Variants in ASTN2 observed in about 807,000 individuals in gnomAD.
The protein encoded by ASTN2 is astrotactin-2.
In ASTN2, 54 loss-of-function variants were observed where a neutral mutation model predicts 139.8. The observed-to-expected ratio is 0.39, with a 90% confidence interval of 0.31 to 0.48. The LOEUF (loss-of-function observed/expected upper bound fraction) is 0.48, where lower values mean the gene tolerates loss of function less well. ASTN2 is among the 20% of genes least tolerant of loss of function. ASTN2 has a pLI of 0.95. For synonymous variants in ASTN2, 756 were observed against 719.5 expected, an observed-to-expected ratio of 1.05 and a Z score of -0.81; for missense variants, 1,565 against 1,725.1, an observed-to-expected ratio of 0.91 and a Z score of 1.64.
chr9:117,129,741 T>A (rs1461730761), intron 4 of ASTN2, among the ~76,000 whole-genome samples: 1 of 152,186 alleles, frequency 6.6e-6, no homozygotes, highest in African/African-American at 2.4e-5. Flanking sequence ...ATGTTGTTCC[T>A]ATATGTAAGT....
chr9:116,793,960 C>A (rs1424624168), intron 13 of ASTN2, among the ~76,000 whole-genome samples: 3 of 152,008 alleles, frequency 2.0e-5, no homozygotes, highest in Non-Finnish European at 2.9e-5. Flanking sequence ...ATGGTTTGGA[C>A]CAGGAGTGTC....
At position 117,302,883 on chromosome 9, in the gene ASTN2, C is replaced by G. The variant is rs369304019; in HGVS notation, c.443-11370G>C. 9.8e-5 allele frequency among the ~76,000 whole-genome samples: 15 copies of G among 152,316 alleles called. No homozygotes were observed. In the East Asian group the frequency reaches 2.3e-3, roughly 23 times the overall value. ...TTAATCCCCAGGGTCAGACGCTGGC[C>G]TAAATCCATTGCTTATGGGAATCAT... On this transcript the variant is annotated intron_variant, in intron 1 of 22. Transcript: ENST00000313400.
chr9:116,583,176 A>G (rs1055916571), intron 19 of ASTN2: 1 of 152,224 alleles, frequency 6.6e-6, no homozygotes, highest in African/African-American at 2.4e-5. Flanking sequence ...TGGACTCTTT[A>G]GATAACCAGT....
At chr9:117,290,707 G>C (rs1009370263) in intron 2 of ASTN2, among the ~76,000 whole-genome samples, 5 of 152,198 alleles carry the variant, frequency 3.3e-5, no homozygotes, top group Non-Finnish European at 5.9e-5. Context: ...AGATATGCTT[G>C]GATTTGAACA....
At chr9:116,619,938 G>C (rs1856047025) in intron 18 of ASTN2, among the ~76,000 whole-genome samples, 1 of 152,064 alleles carries the variant, frequency 6.6e-6, no homozygotes, top group African/African-American at 2.4e-5. Context: ...TTGTTTCGTA[G>C]AAGAGGTTCT....
chr9:116,445,968 C>A (rs986507063), intron 20 of ASTN2, among the ~76,000 whole-genome samples: 1 of 152,154 alleles, frequency 6.6e-6, no homozygotes, highest in East Asian at 1.9e-4. Context: ...CAAGGCCATG[C>A]GCTTTCTGCC....
intron 10 of ASTN2, among the ~76,000 whole-genome samples, chr9:116,968,766 T>C (rs10817969): frequency 1.3e-5 from 2 of 151,652 alleles, no homozygotes; most frequent in African/African-American, 2.4e-5. Flanking sequence ...AGGTGTGGTG[T>C]TGTGTGCCTG....
chr9:117,116,234 G>A (rs1486617278), intron 4 of ASTN2, among the ~76,000 whole-genome samples: 1 of 152,130 alleles, frequency 6.6e-6, no homozygotes, highest in Non-Finnish European at 1.5e-5. Context: ...TTAGGGTTGT[G>A]TGTGTAGTGA....
intron 1 of ASTN2, among the ~76,000 whole-genome samples, chr9:117,316,933 G>C (rs1032191217): frequency 3.9e-5 from 6 of 152,058 alleles, no homozygotes; most frequent in South Asian, 2.1e-4. Flanking sequence ...AAACACACTG[G>C]GTGTATCTGG....
intron 13 of ASTN2, among the ~76,000 whole-genome samples, chr9:116,754,348 A>C (rs1829482047): frequency 6.6e-6 from 1 of 152,178 alleles, no homozygotes; most frequent in Admixed American, 6.5e-5. Context: ...GCTGGGTCAA[A>C]TGGTATTTCT....
chr9:117,249,559 G>T (rs1403560216), intron 2 of ASTN2, among the ~76,000 whole-genome samples: 2 of 152,134 alleles, frequency 1.3e-5, no homozygotes, highest in African/African-American at 4.8e-5. Flanking sequence ...TAAAAGGAAA[G>T]TTCCTCTAAG....
chr9:116,436,700 A>G (rs117612602), intron 22 of ASTN2, among the ~76,000 whole-genome samples: 5,082 of 152,176 alleles, frequency 0.033, 111 homozygotes, highest in East Asian at 0.068. Context: ...ATTTATTTAG[A>G]AAAAAAGGGT....
intron 19 of ASTN2, among the ~76,000 whole-genome samples, chr9:116,503,485 C>T (rs1587895443): frequency 6.6e-6 from 1 of 152,252 alleles, no homozygotes; most frequent in East Asian, 1.9e-4. Flanking sequence ...ACCCTTCAAT[C>T]CACAATGAAA....
At chr9:117,075,800 CTG>C (rs1828266025) in intron 5 of ASTN2, among the ~76,000 whole-genome samples, 1 of 152,288 alleles carries the variant, frequency 6.6e-6, no homozygotes, top group African/African-American at 2.4e-5. Flanking sequence ...TTTACTAAAA[CTG>C]TGACTCAGTC....
intron 16 of ASTN2, among the ~76,000 whole-genome samples, chr9:116,723,854 C>T (rs1554738069): frequency 6.6e-6 from 1 of 152,160 alleles, no homozygotes; most frequent in Non-Finnish European, 1.5e-5. Flanking sequence ...AGAAAAGTGC[C>T]TTTGCAGACT....
At chr9:117,333,308 G>A (rs1828775151) in intron 1 of ASTN2, among the ~76,000 whole-genome samples, 1 of 152,036 alleles carries the variant, frequency 6.6e-6, no homozygotes, top group South Asian at 2.1e-4. Context: ...TCACAAATGA[G>A]GAAATTGAGG....
intron 16 of ASTN2, among the ~76,000 whole-genome samples, chr9:116,690,722 T>C (rs1860523756): frequency 6.6e-6 from 1 of 152,220 alleles, no homozygotes; most frequent in Admixed American, 6.5e-5. Context: ...TATTACTTAT[T>C]GGTTTTGAGA....
intron 4 of ASTN2, among the ~76,000 whole-genome samples, chr9:117,109,136 G>C (rs927635068): frequency 1.3e-5 from 2 of 149,764 alleles, no homozygotes; most frequent in Admixed American, 6.6e-5. Flanking sequence ...ACAAAAATTA[G>C]CTGGGCGTGG....
At chr9:116,846,301 A>G (rs1832429369) in intron 11 of ASTN2, among the ~76,000 whole-genome samples, 1 of 152,228 alleles carries the variant, frequency 6.6e-6, no homozygotes. Context: ...GCATCACGCT[A>G]CCAAACTGTT....
Sources: allele counts gnomAD v4.1 joint callset (sites outside exome capture counted in the v4.1 genomes callset), GRCh38; gene constraint gnomAD v4.1.1; transcripts MANE v1.5; gene names NCBI Gene and HGNC (gene_info 2026-07-23, HGNC 2026-07-21).